ITGA9: variants seen among roughly 807,000 people sequenced by gnomAD.
The protein encoded by ITGA9 is integrin subunit alpha 9.
A neutral mutation model predicts 127.8 loss-of-function variants in ITGA9; 56 were observed. That is an observed-to-expected ratio of 0.44 (90% CI 0.35 to 0.55). ITGA9 has a LOEUF of 0.55. ITGA9 is among the 20% of genes least tolerant of loss of function. The pLI, the probability that ITGA9 is intolerant of heterozygous loss-of-function variation, is 0.00. For missense variants in ITGA9, 1,196 were observed against 1,347.1 expected (o/e 0.89, Z 1.76); for synonymous variants, 508 against 514.5 (o/e 0.99, Z 0.17).
chr3:37,599,355 G>A (rs1379339429), intron 15 of ITGA9, among the ~76,000 whole-genome samples: 1 of 152,224 alleles, frequency 6.6e-6, no homozygotes, highest in Non-Finnish European at 1.5e-5. Flanking sequence ...ATGTTTTAGA[G>A]TTGGCTGAGG....
intron 8 of ITGA9, among the ~76,000 whole-genome samples, chr3:37,512,041 T>C (rs1413330567): frequency 7.3e-5 from 4 of 54,678 alleles, no homozygotes; most frequent in East Asian, 1.8e-3. Context: ...TCTTTCTTTC[T>C]TTCTTTCTTT....
chr3:37,741,884 C>T (rs1696441910), intron 21 of ITGA9, 65 bp downstream of exon 21: 1 of 1,287,172 alleles, frequency 7.8e-7, no homozygotes, highest in Non-Finnish European at 1.1e-6. Flanking sequence ...CTGTGCTTCT[C>T]ATATTTGCAT....
intron 15 of ITGA9, among the ~76,000 whole-genome samples, chr3:37,619,629 G>C (rs915977551): frequency 1.3e-5 from 2 of 152,174 alleles, no homozygotes; most frequent in African/African-American, 4.8e-5. Flanking sequence ...AAATTTAGCA[G>C]CTTAAAACAG....
intron 15 of ITGA9, among the ~76,000 whole-genome samples, chr3:37,559,738 G>A (rs887056030): frequency 2.6e-5 from 4 of 152,120 alleles, no homozygotes; most frequent in Non-Finnish European, 4.4e-5. Context: ...AAAACCACAC[G>A]GAGCCATTAC....
chr3:37,757,786 T>C (rs972542382), intron 23 of ITGA9, among the ~76,000 whole-genome samples: 2 of 151,654 alleles, frequency 1.3e-5, no homozygotes, highest in Non-Finnish European at 2.9e-5. Context: ...AAGACCTATA[T>C]CTTAAAAAAA....
intron 18 of ITGA9, among the ~76,000 whole-genome samples, chr3:37,701,500 T>C (rs887792536): frequency 1.3e-5 from 2 of 152,148 alleles, no homozygotes; most frequent in Non-Finnish European, 2.9e-5. Context: ...GCAAGCTCCT[T>C]GGGGTTCTTC....
intron 17 of ITGA9, among the ~76,000 whole-genome samples, chr3:37,675,037 C>T (rs1700668391): frequency 6.6e-6 from 1 of 152,344 alleles, no homozygotes; most frequent in Non-Finnish European, 1.5e-5. Context: ...AGAAAGCTGA[C>T]ATAGGATCCT....
intron 17 of ITGA9, among the ~76,000 whole-genome samples, chr3:37,668,024 C>T (rs1225244004): frequency 6.6e-6 from 1 of 152,040 alleles, no homozygotes; most frequent in African/African-American, 2.4e-5. Flanking sequence ...CACCCAAGGA[C>T]GTTTTTCTCT....
intron 20 of ITGA9, among the ~76,000 whole-genome samples, chr3:37,737,349 G>A (rs1044759532): frequency 2.4e-4 from 37 of 152,206 alleles, no homozygotes; most frequent in Non-Finnish European, 5.0e-4. Context: ...GTCTGGCTGG[G>A]CCCACTGCTG....
In ITGA9 at chr3:37,806,496, G is replaced by A. The variant is rs995481035; in HGVS notation, c.3009+2554G>A. 6.6e-6 allele frequency: 1 copy of A among 152,622 alleles called. No homozygotes were observed. Among genetic ancestry groups the A allele is most frequent in the African/African-American group, 2.4e-5 (1 of 41,438 alleles). 9.5% of individuals were successfully genotyped at this position (152,622 alleles called of 1,614,324 possible). On this transcript the variant is annotated intron_variant, in intron 27 of 27. Coordinates refer to ENST00000264741, the MANE Select transcript of ITGA9 (RefSeq NM_002207.3). The surrounding 1 kb of genome is among the most constrained non-coding windows in gnomAD (Gnocchi z 4.3). ...CCGCCCCACCTGGCTCTGCCTCTCA[G>A]GGGTGTCCTGTCTCCTCTGCACAGC...
intron 14 of ITGA9, 144 bp downstream of exon 14, chr3:37,533,612 G>A: frequency 1.3e-6 from 1 of 747,412 alleles, no homozygotes; most frequent in Non-Finnish European, 2.3e-6. Flanking sequence ...TCCCTCTGAG[G>A]TTCCTCCCCT....
At position 37,597,262 on chromosome 3, in the gene ITGA9, C is replaced by T. The variant is rs1050404860; in HGVS notation, c.1690-31925C>T. 6.6e-6 allele frequency among the ~76,000 whole-genome samples: 1 copy of T among 152,192 alleles called. No homozygotes were observed. The highest frequency in any genetic ancestry group is 2.4e-5 in the African/African-American group (1 of 41,448). Reference sequence around the variant, plus strand: ...GATCCAAGAGATAGTGGGACCTGCTCAAGGTTTCATCCAGGAGGCCAGGGA... The same window carrying T: ...GATCCAAGAGATAGTGGGACCTGCTTAAGGTTTCATCCAGGAGGCCAGGGA... On this transcript the variant is annotated intron_variant, in intron 15 of 27. Transcript: ENST00000264741. This position sits in a 1 kb window ranked among gnomAD's most constrained non-coding sequence, Gnocchi z 4.6.
chr3:37,490,854 A>G (rs529769856), intron 4 of ITGA9, among the ~76,000 whole-genome samples: 15 of 152,254 alleles, frequency 9.9e-5, no homozygotes, highest in African/African-American at 3.4e-4. Flanking sequence ...ATGCAGGCCA[A>G]GTAATTCAAA....
At chr3:37,695,257 C>T (rs1329191070) in intron 18 of ITGA9, among the ~76,000 whole-genome samples, 1 of 152,138 alleles carries the variant, frequency 6.6e-6, no homozygotes, top group Non-Finnish European at 1.5e-5. Flanking sequence ...AGAAGAAGAC[C>T]CACGGTTCTG....
At chr3:37,647,387 A>G (rs530678163) in intron 16 of ITGA9, among the ~76,000 whole-genome samples, 2 of 151,322 alleles carry the variant, frequency 1.3e-5, no homozygotes, top group South Asian at 2.1e-4. Flanking sequence ...TGATGTTTTG[A>G]TGTACATTTA....
intron 15 of ITGA9, among the ~76,000 whole-genome samples, chr3:37,556,685 C>G (rs1009277620): frequency 3.9e-5 from 6 of 152,204 alleles, no homozygotes; most frequent in African/African-American, 1.4e-4. Flanking sequence ...GTCCATAGAC[C>G]ACAAAGCAAG....
At chr3:37,509,816 C>G (rs567621602) in intron 8 of ITGA9, among the ~76,000 whole-genome samples, 1 of 152,146 alleles carries the variant, frequency 6.6e-6, no homozygotes, top group African/African-American at 2.4e-5. Context: ...TTTCCAAGCA[C>G]CCTTAAAGTT....
At chr3:37,472,905 G>A (rs2125554129) in intron 2 of ITGA9, among the ~76,000 whole-genome samples, 1 of 151,894 alleles carries the variant, frequency 6.6e-6, no homozygotes, top group African/African-American at 2.4e-5. Context: ...TCGGGAGGTT[G>A]GGGTGGGCGG....
intron 15 of ITGA9, among the ~76,000 whole-genome samples, chr3:37,607,577 A>G (rs1236162475): frequency 6.6e-6 from 1 of 152,164 alleles, no homozygotes; most frequent in Non-Finnish European, 1.5e-5. Context: ...AGATTAAGGC[A>G]CCAGCATTCA....
Sources: allele counts gnomAD v4.1 joint callset (sites outside exome capture counted in the v4.1 genomes callset), GRCh38; gene constraint gnomAD v4.1.1; non-coding constraint Gnocchi (gnomAD v3.1); transcripts MANE v1.5; gene names NCBI Gene and HGNC (gene_info 2026-07-23, HGNC 2026-07-21).